RYR1: variants seen among roughly 807,000 people sequenced by gnomAD.
RYR1 encodes the protein ryanodine receptor 1, also known as central core disease of muscle.
A neutral mutation model predicts 583.5 loss-of-function variants in RYR1; 342 were observed. That is an observed-to-expected ratio of 0.59 (90% CI 0.54 to 0.64). RYR1 has a LOEUF of 0.64. Among genes scored for constraint, RYR1 ranks in the 30% least tolerant of loss-of-function variants. The probability of loss-of-function intolerance (pLI) is 0.00; values close to 1 mark genes in which losing one functional copy is unlikely to be tolerated. For synonymous variants in RYR1, 2,791 were observed against 2,822.5 expected (o/e 0.99, Z 0.35); for missense variants, 6,032 against 6,917.2 (o/e 0.87, Z 4.54).
rs761022483 is a variant in RYR1, at chr19:38,467,674, A to G, written c.3243A>G (p.Thr1081=). The part of the protein sequence containing the change: ...VRIFRAEKSY[T]VQSGRWYFEF... ...TCTTCCGGGCAGAGAAATCCTATAC[A>G]GTGCAGAGCGGCCGCTGGTACTTCG... The change falls in exon 25 of 106, where the codon ACA becomes ACG. Residue 1081 remains threonine (T), a synonymous_variant. Transcript: ENST00000359596. 3 of 1,614,204 alleles carry G rather than the reference A, an allele frequency of 1.9e-6. No homozygotes were observed. The highest frequency in any genetic ancestry group is 1.1e-5 in the South Asian group (1 of 91,088).
intron 53 of RYR1, 138 bp from the exon 54 acceptor site, chr19:38,505,668 G>A (rs1970411286): frequency 1.8e-6 from 2 of 1,087,232 alleles, no homozygotes; most frequent in Middle Eastern, 2.2e-4. Context: ...CTCTGTTACA[G>A]AGCAGGTAAG....
chr19:38,449,727 G>A (rs997508207), intron 11 of RYR1, among the ~76,000 whole-genome samples: 3 of 152,230 alleles, frequency 2.0e-5, no homozygotes, highest in African/African-American at 7.2e-5. Flanking sequence ...AACAGCATGT[G>A]CAAAGGTCCT....
In RYR1 at chr19:38,475,431, T is replaced by C; in HGVS notation, c.4274T>C (p.Ile1425Thr). The C allele has an allele frequency of 6.2e-7, 1 of 1,613,764 alleles. No individual in the cohort carries two copies. The highest frequency in any genetic ancestry group is 1.1e-5 in the South Asian group (1 of 91,070). ...GCAGACAACCGCGATGACCCCGAGA[T>C]CATCCTCAACACCACCACGGTGTGG... ...VPADNRDDPE[I>T]ILNTTTYYYS... Residue 1425 changes from isoleucine (I) to threonine (T), a missense_variant, in exon 29 of 106, where the codon ATC becomes ACC. Physicochemically the swap from Ile to Thr is moderately conservative, Grantham distance 89. This residue lies in a region of RYR1 where 2,627 missense variants were observed against 2,961.3 expected (regional missense o/e 0.89). Transcript: ENST00000359596.
chr19:38,440,675 G>T, intron 1 of RYR1, 70 bp from the exon 2 acceptor site: 4 of 1,575,216 alleles, frequency 2.5e-6, no homozygotes, highest in South Asian at 1.1e-5. Flanking sequence ...GGGAGGAGGG[G>T]CCTGTGGTCT....
intron 20 of RYR1, among the ~76,000 whole-genome samples, chr19:38,462,589 C>T (rs755077924): frequency 1.0e-4 from 15 of 147,640 alleles, no homozygotes; most frequent in Non-Finnish European, 2.1e-4. Flanking sequence ...GTCTACTAGG[C>T]TCTTACCCTC....
chr19:38,444,218 G>A lies in RYR1; in HGVS notation c.494G>A (p.Gly165Glu). The change falls in exon 6 of 106, where the codon GGG becomes GAG. Residue 165 changes from glycine to glutamate, a missense_variant. Gly to Glu is a moderately conservative substitution (Grantham distance 98). Transcript: ENST00000359596. This position sits in a 1 kb window ranked among gnomAD's most constrained non-coding sequence, Gnocchi z 5.1. The stretch of plus-strand genomic sequence containing the variant: ...TCTGAAGGAGAAAAGGTCCGCGTTG[G>A]GGATGACATCATCCTTGTCAGTGTC... ...QRSEGEKVRV[G>E]DDIILVSVSS... 1 of 1,614,066 alleles carries A rather than the reference G, an allele frequency of 6.2e-7. No homozygotes were observed. Among genetic ancestry groups the A allele is most frequent in the African/African-American group, 1.3e-5 (1 of 75,004 alleles).
rs1355841050 is a variant in RYR1, at chr19:38,442,431, A to C, written c.248A>C (p.Asn83Thr). 1 of 1,613,430 alleles carries C rather than the reference A, an allele frequency of 6.2e-7. No homozygotes were observed. The highest frequency in any genetic ancestry group is 1.7e-5 in the Admixed American group (1 of 59,988). Residue 83 changes from asparagine (N) to threonine (T), a missense_variant, in exon 3 of 106, where the codon AAC becomes ACC. Asn to Thr is a moderately conservative substitution (Grantham distance 65). This residue lies in a region of RYR1 where 338 missense variants were observed against 441.6 expected (regional missense o/e 0.77). Coordinates refer to ENST00000359596, the MANE Select transcript of RYR1 (RefSeq NM_000540.3). ...CGAGCCCTGCAGGAGATGCTGGCTA[A>C]CACGGTGGAGGCTGGCGTGGAGGTG... Reference protein sequence around the residue: ...SVRALQEMLANTVEAGVESSQ... With the variant: ...SVRALQEMLATTVEAGVESSQ...
chr19:38,559,453 C>T (rs925934715), intron 89 of RYR1, among the ~76,000 whole-genome samples: 2 of 151,934 alleles, frequency 1.3e-5, no homozygotes, highest in Admixed American at 6.6e-5. Flanking sequence ...AGGCTGGTCT[C>T]GAACTCCTGA....
rs369841447 is a variant in RYR1 at position 38,528,431 on chromosome 19, G to A, written c.10937+13G>A. 6.8e-6 allele frequency: 11 copies of A among 1,613,442 alleles called. No homozygotes were observed. Among genetic ancestry groups the A allele is most frequent in the African/African-American group, 1.3e-5 (1 of 75,038 alleles). On this transcript the variant is annotated intron_variant, in intron 74 of 105. Transcript: ENST00000359596. ...ACAACCTGCCCACGTAAGGCCCCCA[G>A]GGACAAGGGAAGCGTGAAGGGCTGC...
intron 58 of RYR1, among the ~76,000 whole-genome samples, chr19:38,509,447 ATTATT>A (rs370726232): frequency 0.035 from 4,179 of 120,326 alleles, 44 homozygotes; most frequent in Middle Eastern, 0.05. Context: ...TATTATTATT[ATTATT>A]TTTTTTTTTT....
chr19:38,502,729 T>TG lies in RYR1; in HGVS notation c.7835+4dup, dbSNP rs768070268. 7.7e-7 allele frequency: 1 copy of TG among 1,307,080 alleles called. No individual in the cohort carries two copies. The highest frequency in any genetic ancestry group is 1.0e-6 in the Non-Finnish European group (1 of 989,244). The allele number at this position is 1,307,080 out of a possible 1,614,324, so 81.0% of individuals were successfully genotyped here. On this transcript the variant is annotated splice_region_variant and intron_variant, in intron 48 of 105. Transcript: ENST00000359596. ...GGACTGCCTCATGTCGCTCTGCAGG[T>TG]GGAGCGGGGCAGGCTTCAGGGTGGG...
At position 38,489,159 on chromosome 19, in the gene RYR1, C is replaced by T. The variant is rs760498601; in HGVS notation, c.5548-18C>T. 10 of 1,613,626 alleles carry T rather than the reference C, an allele frequency of 6.2e-6. No homozygotes were observed. Among genetic ancestry groups the T allele is most frequent in the East Asian group, 2.2e-5 (1 of 44,894 alleles). ...GGCCTTGCAGGCCACAGTGAAGAAC[C>T]GAGACTTTGTCCTGTAGGTGATGGG... On this transcript the variant is annotated intron_variant, in intron 34 of 105. Coordinates refer to ENST00000359596, the MANE Select transcript of RYR1 (RefSeq NM_000540.3).
Position 38,527,942 on chromosome 19 carries a change from C to CA in RYR1, c.10824+158_10824+159insA, listed in dbSNP as rs3833268. On this transcript the variant is annotated intron_variant, in intron 73 of 105. Transcript: ENST00000359596. ...GTTTAAGGCGAGGCTTAGAATGGAT[C>CA]GGGGGAGGGGTCTGCTGCTTAATCT... The CA allele has an allele frequency of 0.15, 76,130 of 504,130 alleles. 4,848 individuals carry two copies. The highest frequency in any genetic ancestry group is 0.35 in the South Asian group (12,941 of 36,612). The allele number at this position is 504,130 out of a possible 1,614,324, so 31.2% of individuals were successfully genotyped here.
At chr19:38,502,801 GGGC>G in intron 48 of RYR1, 74 bp downstream of exon 48, 1 of 1,075,640 alleles carries the variant, frequency 9.3e-7, no homozygotes, top group Non-Finnish European at 1.2e-6. Context: ...GCAGGGGCAG[GGGC>G]AGGGGGAGGA....
At chr19:38,458,320 A>AC (rs1967533960) in intron 18 of RYR1, 28 bp downstream of exon 18, 1 of 1,604,684 alleles carries the variant, frequency 6.2e-7, no homozygotes. Flanking sequence ...GGGGACCCTC[A>AC]CCCCTGACCA....
chr19:38,580,416 C>G lies in RYR1; in HGVS notation c.14558C>G (p.Thr4853Ser). The G allele has an allele frequency of 6.2e-7, 1 of 1,613,992 alleles. No homozygotes were observed. Among genetic ancestry groups the G allele is most frequent in the Non-Finnish European group, 8.5e-7 (1 of 1,179,990 alleles). ...CTGGCGGTGGTCGTCTACCTGTACACCGTGGTGGCCTTCAACTTCTTCCGC... is the reference window on the plus strand; with the variant it reads ...CTGGCGGTGGTCGTCTACCTGTACAGCGTGGTGGCCTTCAACTTCTTCCGC... ...GLLAVVVYLY[T>S]VVAFNFFRKF... The change falls in exon 101 of 106, where the codon ACC becomes AGC. Residue 4853 changes from threonine (T) to serine (S), a missense_variant. By Grantham distance (58) the Thr-to-Ser change is moderately conservative. Coordinates refer to ENST00000359596, the MANE Select transcript of RYR1 (RefSeq NM_000540.3).
In RYR1 at chr19:38,475,374, C is replaced by T. The variant is rs187496208; in HGVS notation, c.4217C>T (p.Thr1406Met). 3.6e-5 allele frequency: 58 copies of T among 1,613,244 alleles called. No individual in the cohort carries two copies. Among genetic ancestry groups the T allele is most frequent in the East Asian group, 2.0e-4 (9 of 44,840 alleles). ...AMMTQPPATP[T>M]LPRLPHDVVP... ...ATGACCCAGCCACCGGCCACCCCCA[C>T]GCTGCCCCGACTCCCTCACGACGTG... is the stretch of plus-strand genomic sequence containing the variant. Residue 1406 changes from threonine to methionine, a missense_variant, in exon 29 of 106, where the codon ACG (threonine) becomes ATG (methionine). Thr to Met is a moderately conservative substitution (Grantham distance 81). Coordinates refer to ENST00000359596, the MANE Select transcript of RYR1 (RefSeq NM_000540.3).
At chr19:38,497,143 G>A (rs911187237) in intron 42 of RYR1, among the ~76,000 whole-genome samples, 189 bp downstream of exon 42, 1 of 152,124 alleles carries the variant, frequency 6.6e-6, no homozygotes, top group African/African-American at 2.4e-5. Context: ...ATGCTTCCTG[G>A]CTGTGGGCCG....
chr19:38,496,559 C>T lies in RYR1; in HGVS notation c.6796+18C>T. 1 of 1,612,976 alleles carries T rather than the reference C, an allele frequency of 6.2e-7. No homozygotes were observed. The highest frequency in any genetic ancestry group is 1.3e-5 in the African/African-American group (1 of 75,054). On this transcript the variant is annotated intron_variant, in intron 41 of 105. Transcript: ENST00000359596. The surrounding 1 kb of genome is among the most constrained non-coding windows in gnomAD (Gnocchi z 4.8). ...CGGCCTGGGTGAGAACCCCCGAGCC[C>T]AGGGGCTGTCCCCCAGAACCCACTC...
Sources: gnomAD v4.1 joint callset for allele counts (sites outside exome capture counted in the v4.1 genomes callset) on GRCh38, gnomAD v4.1.1 for gene constraint, gnomAD v4.1.1 regional missense constraint, Gnocchi (gnomAD v3.1) non-coding constraint, MANE v1.5 for transcripts, NCBI Gene and HGNC (gene_info 2026-07-23, HGNC 2026-07-21) for gene names.